The following GSDME variants were observed in gnomAD, a reference collection of about 807,000 sequenced individuals.
GSDME encodes gasdermin-E.
In GSDME, 44 loss-of-function variants were observed where a neutral mutation model predicts 47.5. The ratio of observed to expected loss-of-function variants is 0.93; its 90% confidence interval spans 0.73 to 1.19. The LOEUF is 1.19. Among genes scored for constraint, GSDME ranks in the 50% most tolerant of loss-of-function variants. The pLI, the probability that GSDME is intolerant of heterozygous loss-of-function variation, is 0.00. For missense variants in GSDME, 663 were observed against 604.2 expected (o/e 1.10, Z -1.02); for synonymous variants, 258 against 252.8 (o/e 1.02, Z -0.20).
chr7:24,784,070 T>C, the GSDME span, among the ~76,000 whole-genome samples: 5 of 152,268 alleles, frequency 3.3e-5, 1 homozygote, highest in South Asian at 1.0e-3. Context: ...GTGTTTGCTT[T>C]TCCAATGCTC....
At chr7:24,776,917 T>C in the GSDME span, among the ~76,000 whole-genome samples, 1,111 of 152,284 alleles carry the variant, frequency 7.3e-3, 10 homozygotes, top group African/African-American at 0.025. Flanking sequence ...TTAACAGTGT[T>C]TTCTTGGGGT....
chr7:24,734,498 CAG>C (rs955732906), intron 3 of GSDME, among the ~76,000 whole-genome samples: 7 of 152,206 alleles, frequency 4.6e-5, no homozygotes, highest in South Asian at 4.1e-4. Context: ...ACCTTTCAAA[CAG>C]AAAATTCAAA....
At chr7:24,722,866 C>G (rs374071818) in intron 3 of GSDME, among the ~76,000 whole-genome samples, 3 of 152,346 alleles carry the variant, frequency 2.0e-5, no homozygotes, top group East Asian at 3.9e-4. Flanking sequence ...TCCTGAGACG[C>G]TTGCTGAGTC....
intron 5 of GSDME, chr7:24,715,670 T>C: frequency 3.2e-6 from 1 of 317,066 alleles, no homozygotes; most frequent in Non-Finnish European, 6.6e-6. Flanking sequence ...GCACTTTTTT[T>C]GGAAGACAAG....
the GSDME span, among the ~76,000 whole-genome samples, chr7:24,772,136 C>A: frequency 6.6e-6 from 1 of 152,192 alleles, no homozygotes; most frequent in South Asian, 2.1e-4. This position sits in a 1 kb window ranked among gnomAD's most constrained non-coding sequence, Gnocchi z 4.5. Context: ...CTGGCCCCTG[C>A]CCACCTCTCC....
chr7:24,727,586 C>T lies in GSDME; in HGVS notation c.405-8368G>A, dbSNP rs768005907. The stretch of plus-strand genomic sequence containing the variant: ...AAACTACAGTTTACAAAGGATCACA[C>T]GTGTGTTCACACACCAGCTGTAGAG... On this transcript the variant is annotated intron_variant, in intron 3 of 9. Transcript: ENST00000645220. Among the ~76,000 whole-genome samples, 7 of 152,368 alleles carry T rather than the reference C, an allele frequency of 4.6e-5. No homozygotes were observed. The East Asian group carries it at 1.3e-3, about 29-fold the overall frequency.
At chr7:24,704,781 A>T (rs1789026713) in intron 8 of GSDME, 1 of 151,972 alleles carries the variant, frequency 6.6e-6, no homozygotes, top group South Asian at 2.1e-4. Flanking sequence ...GCATCCTTGA[A>T]TTCCTGGGCT....
Position 24,712,649 on chromosome 7 carries a change from G to A in GSDME, c.698-2261C>T, listed in dbSNP as rs914363082. On this transcript the variant is annotated intron_variant, in intron 5 of 9. Coordinates refer to ENST00000645220, the MANE Select transcript of GSDME (RefSeq NM_001127453.2). The surrounding 1 kb of genome is among the most constrained non-coding windows in gnomAD (Gnocchi z 4.4). ...CAGGGCTGAGGCCAGAGTGACCAGC[G>A]GGTGGAGGGGAGGAAAAACATCTTT... is the stretch of plus-strand genomic sequence containing the variant. Among the ~76,000 whole-genome samples, 4 of 152,188 alleles carry A rather than the reference G, an allele frequency of 2.6e-5. No individual in the cohort carries two copies. Among genetic ancestry groups the A allele is most frequent in the Non-Finnish European group, 5.9e-5 (4 of 68,038 alleles).
At chr7:24,789,261 GAC>G in the GSDME span, among the ~76,000 whole-genome samples, 42 of 149,232 alleles carry the variant, frequency 2.8e-4, no homozygotes, top group Middle Eastern at 3.5e-3. Context: ...TTCACATTAG[GAC>G]ACACACACAC....
the GSDME span, among the ~76,000 whole-genome samples, chr7:24,776,048 C>T: frequency 6.6e-6 from 1 of 151,582 alleles, no homozygotes; most frequent in South Asian, 2.1e-4. Flanking sequence ...GGCGTGGTAG[C>T]GGGAGCCTGT....
chr7:24,747,066 C>T (rs1790690714), intron 2 of GSDME, among the ~76,000 whole-genome samples: 3 of 152,246 alleles, frequency 2.0e-5, no homozygotes, highest in Admixed American at 2.0e-4. Flanking sequence ...ACCAATCCAG[C>T]ACAAGTCTTT....
Position 24,735,800 on chromosome 7 carries a change from TAAATA to T in GSDME, c.404+8757_404+8761del, listed in dbSNP as rs1313044535. On this transcript the variant is annotated intron_variant, in intron 3 of 9. Coordinates refer to ENST00000645220, the MANE Select transcript of GSDME (RefSeq NM_001127453.2). The surrounding 1 kb of genome is among the most constrained non-coding windows in gnomAD (Gnocchi z 4.4). ...ATAAATAAATAAATAAATAAATAAA[TAAATA>T]AAACTACAAAAACTTTTCAAGACAT... Among the ~76,000 whole-genome samples, 5 of 134,832 alleles carry T rather than the reference TAAATA, an allele frequency of 3.7e-5. No individual in the cohort carries two copies. Among genetic ancestry groups the T allele is most frequent in the Admixed American group, 1.5e-4 (2 of 13,272 alleles). 88.5% of individuals were successfully genotyped at this position (134,832 alleles called of 152,430 possible). A position where few individuals can be genotyped will look rare whatever the true frequency, so the allele number is the denominator to read the frequency against.
chr7:24,744,837 T>C lies in GSDME; in HGVS notation c.212-83A>G. ...TGGGTCATTTAGCTTTCCAAGCCTG[T>C]GCAGAGCCCCGGAAAGCAGAAGGCT... On this transcript the variant is annotated intron_variant, in intron 2 of 9. Transcript: ENST00000645220. The surrounding 1 kb of genome is among the most constrained non-coding windows in gnomAD (Gnocchi z 4.5). 5 of 1,465,598 alleles carry C rather than the reference T, an allele frequency of 3.4e-6. No homozygotes were observed. The highest frequency in any genetic ancestry group is 4.7e-6 in the Non-Finnish European group (5 of 1,061,460). 90.8% of individuals were successfully genotyped at this position (1,465,598 alleles called of 1,614,324 possible).
chr7:24,701,243 G>T (rs1235397272), intron 9 of GSDME, among the ~76,000 whole-genome samples: 3 of 152,218 alleles, frequency 2.0e-5, no homozygotes, highest in Admixed American at 2.0e-4. Flanking sequence ...GGGGAGGTAT[G>T]TGAAGATACC....
chr7:24,789,195 G>A, the GSDME span, among the ~76,000 whole-genome samples: 2 of 152,282 alleles, frequency 1.3e-5, no homozygotes, highest in Admixed American at 6.5e-5. Flanking sequence ...TATGGGAAAT[G>A]AGTTAATTAT....
the GSDME span, among the ~76,000 whole-genome samples, chr7:24,774,423 T>C: frequency 1.3e-5 from 2 of 151,642 alleles, no homozygotes; most frequent in African/African-American, 4.8e-5. Context: ...ACTTCATGCT[T>C]TTCCCACAAC....
In GSDME at chr7:24,710,205, C is replaced by G. The variant is rs372631653; in HGVS notation, c.862+19G>C. 4.3e-6 allele frequency: 7 copies of G among 1,612,628 alleles called. No individual in the cohort carries two copies. Among genetic ancestry groups the G allele is most frequent in the Non-Finnish European group, 5.9e-6 (7 of 1,179,956 alleles). On this transcript the variant is annotated intron_variant, in intron 6 of 9. Coordinates refer to ENST00000645220, the MANE Select transcript of GSDME (RefSeq NM_001127453.2). ...AGTTGGCCCTCAACTGCCCACTACT[C>G]CTGCCCTGCTGGCAATACCTTGCTT... is the stretch of plus-strand genomic sequence containing the variant.
intron 3 of GSDME, 124 bp from the exon 4 acceptor site, chr7:24,719,342 CTCA>C: frequency 9.2e-7 from 1 of 1,089,426 alleles, no homozygotes; most frequent in Non-Finnish European, 1.4e-6. Flanking sequence ...TGTTGATTTC[CTCA>C]TGATGAAAGG....
chr7:24,767,294 G>A, the GSDME span, among the ~76,000 whole-genome samples: 5 of 152,030 alleles, frequency 3.3e-5, no homozygotes, highest in East Asian at 1.9e-4. This position sits in a 1 kb window ranked among gnomAD's most constrained non-coding sequence, Gnocchi z 5.3. Context: ...ACTGCACTCC[G>A]GCCTGGGTGA....
Sources: allele counts gnomAD v4.1 joint callset (sites outside exome capture counted in the v4.1 genomes callset), GRCh38; gene constraint gnomAD v4.1.1; non-coding constraint Gnocchi (gnomAD v3.1); transcripts MANE v1.5; gene names NCBI Gene and HGNC (gene_info 2026-07-23, HGNC 2026-07-21).